DCD: variants seen among roughly 807,000 people sequenced by gnomAD.
DCD encodes the protein diffusible survival/evasion peptide.
In DCD, 17 loss-of-function variants were observed where a neutral mutation model predicts 14.5. The observed-to-expected ratio is 1.18, with a 90% CI of 0.81 to 1.76. DCD has a LOEUF of 1.76. Ranked by LOEUF, DCD falls within the 40% of genes most tolerant of loss-of-function variation. The probability of loss-of-function intolerance (pLI) is 0.00; values close to 1 mark genes in which losing one functional copy is unlikely to be tolerated. For synonymous variants in DCD, 64 were observed against 54.0 expected (o/e 1.19, Z -0.82); for missense variants, 139 against 133.4 (o/e 1.04, Z -0.21).
At chr12:54,645,790 C>T in intron 2 of DCD, 83 bp from the exon 3 acceptor site, 2 of 1,171,594 alleles carry the variant, frequency 1.7e-6, no homozygotes, top group Non-Finnish European at 2.5e-6. Context: ...CTTTTACCCC[C>T]TCAAGGTCTG....
At chr12:54,645,406 G>T in intron 3 of DCD, 144 bp from the exon 4 acceptor site, 2 of 934,220 alleles carry the variant, frequency 2.1e-6, no homozygotes, top group Non-Finnish European at 3.3e-6. Context: ...GTCATGGGAA[G>T]GTTGGTAGGC....
At position 54,648,305 on chromosome 12, in the gene DCD, C is replaced by T. The variant is rs779257950; in HGVS notation, c.-2G>A. On this transcript the variant is annotated 5_prime_UTR_variant, in exon 1 of 5. Transcript: ENST00000293371. The stretch of plus-strand genomic sequence containing the variant: ...GAAGAGGAGAGTCATGAACCTCATG[C>T]TTCTGTGTGCTGGAGTGGGTATGCC... 6 of 1,613,954 alleles carry T rather than the reference C, an allele frequency of 3.7e-6. No homozygotes were observed. The highest frequency in any genetic ancestry group is 2.2e-5 in the East Asian group (1 of 44,858).
In DCD at chr12:54,648,187, G is replaced by T. The variant is rs370745463; in HGVS notation, c.58+59C>A. On this transcript the variant is annotated intron_variant, in intron 1 of 4. Coordinates refer to ENST00000293371, the MANE Select transcript of DCD (RefSeq NM_053283.4). ...GGCGAGGAGGGGAAGGGGAAATGAA[G>T]GCAGGGCCCAGTCTTCAGGGGACTA... The T allele has an allele frequency of 2.0e-5, 32 of 1,591,782 alleles. No homozygotes were observed. In the African/African-American group the frequency reaches 3.9e-4, roughly 19 times the overall value.
intron 2 of DCD, 104 bp downstream of exon 2, chr12:54,647,017 C>A: frequency 8.0e-7 from 1 of 1,254,598 alleles, no homozygotes; most frequent in South Asian, 1.5e-5. Flanking sequence ...TCCCAACTCT[C>A]CTTCCCCGGA....
In DCD at chr12:54,644,683, TG is replaced by T; in HGVS notation, c.*29del. ...CTGAAGACGTAAAGCCTGCTGCTCC[TG>T]GGTATCATTTCTCAGCTTCTCCTTA... On this transcript the variant is annotated 3_prime_UTR_variant, in exon 5 of 5. Coordinates refer to ENST00000293371, the MANE Select transcript of DCD (RefSeq NM_053283.4). 1 of 1,298,026 alleles carries T rather than the reference TG, an allele frequency of 7.7e-7. No individual in the cohort carries two copies. Among genetic ancestry groups the T allele is most frequent in the Non-Finnish European group, 1.1e-6 (1 of 897,506 alleles). The allele number at this position is 1,298,026 out of a possible 1,614,324, so 80.4% of individuals were successfully genotyped here. A position where few individuals can be genotyped will look rare whatever the true frequency, so the allele number is the denominator to read the frequency against.
intron 1 of DCD, 83 bp downstream of exon 1, chr12:54,648,163 G>A (rs1029960739): frequency 2.0e-6 from 3 of 1,492,678 alleles, no homozygotes; most frequent in South Asian, 1.1e-5. Flanking sequence ...ACTGCCTCTG[G>A]CGAGGAGGGG....
At chr12:54,646,023 C>G (rs1336583598) in intron 2 of DCD, 2 of 458,002 alleles carry the variant, frequency 4.4e-6, no homozygotes, top group African/African-American at 4.2e-5. Flanking sequence ...CTTATACCAG[C>G]CCCCTAGTGT....
At position 54,645,166 on chromosome 12, in the gene DCD, T is replaced by C. The variant is rs369443240; in HGVS notation, c.289+7A>G. On this transcript the variant is annotated splice_region_variant and intron_variant, in intron 4 of 4. Transcript: ENST00000293371. ...GTCCTGAGGGAGGAGTGGGGACATA[T>C]ACTCACCTTTACCCACGCTTTCTAG... 1 of 1,613,786 alleles carries C rather than the reference T, an allele frequency of 6.2e-7. No individual in the cohort carries two copies. Among genetic ancestry groups the C allele is most frequent in the Non-Finnish European group, 8.5e-7 (1 of 1,179,746 alleles).
Position 54,647,175 on chromosome 12 carries a change from C to T in DCD, c.59-16G>A, listed in dbSNP as rs1958268224. 1 of 1,559,336 alleles carries T rather than the reference C, an allele frequency of 6.4e-7. No individual in the cohort carries two copies. The highest frequency in any genetic ancestry group is 1.2e-5 in the South Asian group (1 of 84,402). ...TCTGGATCATCTGCAAAGGAGGGAACAGTGACCATGTCAAGTAGGGCACAG... is the reference window on the plus strand; with the variant it reads ...TCTGGATCATCTGCAAAGGAGGGAATAGTGACCATGTCAAGTAGGGCACAG... On this transcript the variant is annotated splice_polypyrimidine_tract_variant and intron_variant, in intron 1 of 4. Coordinates refer to ENST00000293371, the MANE Select transcript of DCD (RefSeq NM_053283.4).
chr12:54,645,192 A>T lies in DCD; in HGVS notation c.270T>A (p.Asp90Glu), dbSNP rs746845760. The part of the protein sequence containing the change: ...LGKLGKDAVE[D>E]LESVGKGAVH... The stretch of plus-strand genomic sequence containing the variant: ...ACTCACCTTTACCCACGCTTTCTAG[A>T]TCTTCGACTGCATCTTTTCCTAGTT... The change falls in exon 4 of 5, where the codon GAT becomes GAA. Residue 90 changes from aspartate to glutamate, a missense_variant. Asp to Glu is a conservative substitution (Grantham distance 45). Transcript: ENST00000293371. The T allele has an allele frequency of 5.6e-6, 9 of 1,613,952 alleles. No individual in the cohort carries two copies. The highest frequency in any genetic ancestry group is 7.6e-6 in the Non-Finnish European group (9 of 1,179,978).
At position 54,647,207 on chromosome 12, in the gene DCD, G is replaced by A. The variant is rs751021199; in HGVS notation, c.59-48C>T. ...CATGTCAAGTAGGGCACAGTTGCAT[G>A]AGCTGTATCCAGCCAGGGCTGCCTA... On this transcript the variant is annotated intron_variant, in intron 1 of 4. Coordinates refer to ENST00000293371, the MANE Select transcript of DCD (RefSeq NM_053283.4). 1.2e-5 allele frequency: 18 copies of A among 1,541,348 alleles called. No homozygotes were observed. The South Asian group carries it at 2.2e-4, about 19-fold the overall frequency.
rs1958278041 is a variant in DCD at position 54,648,282 on chromosome 12, A to G, written c.22T>C (p.Phe8Leu). The part of the protein sequence containing the change: MRFMTLL[F>L]LTALAGALVC... ...AGGGCTCCTGCCAGAGCTGTCAGGA[A>G]GAGGAGAGTCATGAACCTCATGCTT... The change falls in exon 1 of 5, where the codon TTC (phenylalanine) becomes CTC (leucine). Residue 8 changes from phenylalanine (F) to leucine (L), a missense_variant. Transcript: ENST00000293371. 1.2e-6 allele frequency: 2 copies of G among 1,614,028 alleles called. No individual in the cohort carries two copies. Among genetic ancestry groups the G allele is most frequent in the Non-Finnish European group, 1.7e-6 (2 of 1,179,974 alleles).
intron 2 of DCD, among the ~76,000 whole-genome samples, chr12:54,646,624 T>C (rs941238607): frequency 5.3e-5 from 8 of 152,186 alleles, no homozygotes; most frequent in African/African-American, 1.9e-4. Flanking sequence ...TCATGCTGTC[T>C]GATGAAACAA....
Position 54,647,555 on chromosome 12 carries a change from C to T in DCD, c.59-396G>A, listed in dbSNP as rs1428880070. On this transcript the variant is annotated intron_variant, in intron 1 of 4. Coordinates refer to ENST00000293371, the MANE Select transcript of DCD (RefSeq NM_053283.4). ...GATAGAATGACCTCAGAAGGACCTT[C>T]CCTCCATTTCTTTATTCTTCCAAAA... 2.0e-5 allele frequency among the ~76,000 whole-genome samples: 3 copies of T among 152,290 alleles called. No individual in the cohort carries two copies. The East Asian group carries it at 5.8e-4, about 29-fold the overall frequency.
chr12:54,645,342 G>A, intron 3 of DCD, 80 bp from the exon 4 acceptor site: 1 of 1,332,992 alleles, frequency 7.5e-7, no homozygotes, highest in Non-Finnish European at 1.1e-6. Flanking sequence ...CGCTTCCTAG[G>A]CACCATGGGC....
Position 54,644,871 on chromosome 12 carries a change from T to C in DCD, c.290-115A>G, listed in dbSNP as rs757617852. ...GGGAAGGGGAAGGGGAAGGGAGGCC[T>C]GGAGGTGCTTACACAGAAGTCAGAG... On this transcript the variant is annotated intron_variant, in intron 4 of 4. Coordinates refer to ENST00000293371, the MANE Select transcript of DCD (RefSeq NM_053283.4). 3.2e-6 allele frequency: 5 copies of C among 1,548,212 alleles called. No homozygotes were observed. The African/African-American group carries it at 6.9e-5, about 21-fold the overall frequency.
In DCD at chr12:54,645,243, T is replaced by G. The variant is rs765605412; in HGVS notation, c.219A>C (p.Ala73=). Residue 73 remains alanine, a synonymous_variant, in exon 4 of 5, where the codon GCA becomes GCC. Coordinates refer to ENST00000293371, the MANE Select transcript of DCD (RefSeq NM_053283.4). ...SSLLEKGLDG[A]KKAVGGLGKL... ...TTCCGAGTCCCCCCACAGCTTTTTT[T>G]GCTCCGTCTAGGCCTTTTTCTAGGG... 6.2e-7 allele frequency: 1 copy of G among 1,614,128 alleles called. No individual in the cohort carries two copies. The highest frequency in any genetic ancestry group is 8.5e-7 in the Non-Finnish European group (1 of 1,180,020).
chr12:54,647,861 G>A (rs1468297303), intron 1 of DCD, among the ~76,000 whole-genome samples: 7 of 152,182 alleles, frequency 4.6e-5, no homozygotes, highest in South Asian at 2.1e-4. Flanking sequence ...CTAGCAGGGC[G>A]GACACTTGGA....
intron 1 of DCD, 135 bp downstream of exon 1, chr12:54,648,111 T>C: frequency 3.2e-6 from 3 of 929,254 alleles, no homozygotes; most frequent in South Asian, 1.5e-5. Context: ...GTGGAGAACC[T>C]AGTGGGAGGC....
Sources: allele counts gnomAD v4.1 joint callset (sites outside exome capture counted in the v4.1 genomes callset), GRCh38; gene constraint gnomAD v4.1.1; transcripts MANE v1.5; gene names NCBI Gene and HGNC (gene_info 2026-07-23, HGNC 2026-07-21).